Variants in C20orf203 observed in about 807,000 individuals in gnomAD.
The protein encoded by C20orf203 is uncharacterized protein C20orf203.
A neutral mutation model predicts 15.9 loss-of-function variants in C20orf203; 16 were observed. The observed-to-expected ratio is 1.01, with a 90% CI of 0.68 to 1.53. The LOEUF is 1.53. C20orf203 is among the 40% of genes most tolerant of loss of function. The probability of loss-of-function intolerance (pLI) is 0.00; values close to 1 mark genes in which losing one functional copy is unlikely to be tolerated. For synonymous variants in C20orf203, 98 were observed against 97.2 expected (o/e 1.01, Z -0.05); for missense variants, 263 against 247.5 (o/e 1.06, Z -0.42).
rs1194992256 is a variant in C20orf203, at chr20:32,663,828, C to T, written c.-264+9804G>A. Among the ~76,000 whole-genome samples, 8 of 152,316 alleles carry T rather than the reference C, an allele frequency of 5.3e-5. No individual in the cohort carries two copies. In the East Asian group the frequency reaches 7.7e-4, roughly 15 times the overall value. On this transcript the variant is annotated intron_variant, in intron 1 of 5. Coordinates refer to ENST00000608990, the MANE Select transcript of C20orf203 (RefSeq NM_182584.4). ...AGGACGGCCTGCACCACACTGTCCCCGGAGGGACCAGCCATGGGACACTGC... is the reference window on the plus strand; with the variant it reads ...AGGACGGCCTGCACCACACTGTCCCTGGAGGGACCAGCCATGGGACACTGC...
Position 32,631,673 on chromosome 20 carries a change from G to T in C20orf203, c.*3897C>A, listed in dbSNP as rs1220261626. 1 of 152,218 alleles carries T rather than the reference G, an allele frequency of 6.6e-6. No homozygotes were observed. Among genetic ancestry groups the T allele is most frequent in the East Asian group, 1.9e-4 (1 of 5,206 alleles). The allele number at this position is 152,218 out of a possible 1,614,324, so 9.4% of individuals were successfully genotyped here. A position where few individuals can be genotyped will look rare whatever the true frequency, so the allele number is the denominator to read the frequency against. On this transcript the variant is annotated 3_prime_UTR_variant, in exon 6 of 6. Transcript: ENST00000608990. The stretch of plus-strand genomic sequence containing the variant: ...TATTCACTACATTTTATTAATGTTT[G>T]AGATTTTACAATGAGAATATTTTCC...
intron 5 of C20orf203, among the ~76,000 whole-genome samples, chr20:32,635,945 C>A: frequency 6.6e-6 from 1 of 152,172 alleles, no homozygotes; most frequent in East Asian, 1.9e-4. Flanking sequence ...GTCGTCCTCC[C>A]ATCCCGTGTA....
intron 1 of C20orf203, among the ~76,000 whole-genome samples, chr20:32,655,873 C>G (rs1405607999): frequency 1.3e-5 from 2 of 152,222 alleles, no homozygotes; most frequent in Admixed American, 6.5e-5. Flanking sequence ...GAAATGTGAT[C>G]TCCAGCGCTG....
rs527367222 is a variant in C20orf203, at chr20:32,637,317, G to T, written c.*1300-3047C>A. ...AGTCTCAGTTACTGGGGAGGCTGAG[G>T]CAGGAGAACCGCTTGAACCCAGGAA... On this transcript the variant is annotated intron_variant, in intron 5 of 5. Transcript: ENST00000608990. Among the ~76,000 whole-genome samples the T allele has an allele frequency of 3.3e-5, 5 of 152,296 alleles. No individual in the cohort carries two copies. In the South Asian group the frequency reaches 1.0e-3, roughly 32 times the overall value.
rs754260668 is a variant in C20orf203 at position 32,666,466 on chromosome 20, C to CA, written c.-264+7165dup. ...TGGGCAACAAAGTGAGACTCTGTCTCAAAAAAAAAAAAAAAGTCCAGGCGC... is the reference window on the plus strand; with the variant it reads ...TGGGCAACAAAGTGAGACTCTGTCTCAAAAAAAAAAAAAAAAGTCCAGGCGC... On this transcript the variant is annotated intron_variant, in intron 1 of 5. Transcript: ENST00000608990. 6.2e-3 allele frequency among the ~76,000 whole-genome samples: 626 copies of CA among 100,910 alleles called. 1 individual carries two copies. The highest frequency in any genetic ancestry group is 0.015 in the Middle Eastern group (2 of 130). 66.2% of individuals were successfully genotyped at this position (100,910 alleles called of 152,430 possible).
chr20:32,666,266 A>G (rs1428397085), intron 1 of C20orf203, among the ~76,000 whole-genome samples: 1 of 151,954 alleles, frequency 6.6e-6, no homozygotes, highest in Non-Finnish European at 1.5e-5. Context: ...CAGGAGTTCA[A>G]GACCACCCTG....
At chr20:32,666,155 T>TAAAAAAAAAAAAA (rs147487671) in intron 1 of C20orf203, among the ~76,000 whole-genome samples, 4 of 102,744 alleles carry the variant, frequency 3.9e-5, no homozygotes, top group Non-Finnish European at 5.6e-5. Context: ...ATAAATAAAG[T>TAAAAAAAAAAAAA]AAAAAAAAAA....
At chr20:32,664,492 G>A (rs1015781986) in intron 1 of C20orf203, among the ~76,000 whole-genome samples, 6 of 152,186 alleles carry the variant, frequency 3.9e-5, no homozygotes, top group African/African-American at 1.4e-4. Flanking sequence ...GGAAGCTCCT[G>A]CCCTCCTCCT....
chr20:32,646,936 T>A (rs546436419), intron 4 of C20orf203, among the ~76,000 whole-genome samples: 2 of 152,208 alleles, frequency 1.3e-5, no homozygotes, highest in African/African-American at 4.8e-5. Context: ...CTACCCCATG[T>A]CTCCCAGCAA....
intron 1 of C20orf203, among the ~76,000 whole-genome samples, chr20:32,655,992 G>A (rs1366066647): frequency 6.6e-6 from 1 of 152,160 alleles, no homozygotes; most frequent in African/African-American, 2.4e-5. Context: ...TAGTTCACAA[G>A]AGAGCTGGTT....
In C20orf203 at chr20:32,651,760, A is replaced by T. The variant is rs1285597237; in HGVS notation, c.-42T>A. On this transcript the variant is annotated 5_prime_UTR_variant, in exon 2 of 6. Transcript: ENST00000608990. The stretch of plus-strand genomic sequence containing the variant: ...CTTCATGTGGCAGCTGCAGTCTGGC[A>T]CTCTGAGGAGGAGGATTAGAGAGCT... 6.6e-6 allele frequency: 1 copy of T among 152,216 alleles called. No individual in the cohort carries two copies. Among genetic ancestry groups the T allele is most frequent in the Admixed American group, 6.5e-5 (1 of 15,276 alleles). 9.4% of individuals were successfully genotyped at this position (152,216 alleles called of 1,614,324 possible). A position where few individuals can be genotyped will look rare whatever the true frequency, so the allele number is the denominator to read the frequency against.
intron 5 of C20orf203, among the ~76,000 whole-genome samples, chr20:32,636,934 A>G (rs1982153502): frequency 6.6e-6 from 1 of 151,374 alleles, no homozygotes; most frequent in Non-Finnish European, 1.5e-5. Flanking sequence ...GCTTCTGTTG[A>G]CTCTCACTGG....
intron 4 of C20orf203, among the ~76,000 whole-genome samples, chr20:32,643,838 A>G (rs1982352616): frequency 6.6e-6 from 1 of 152,230 alleles, no homozygotes; most frequent in Admixed American, 6.5e-5. Flanking sequence ...TCCGTGAATC[A>G]CAGAAAAGAT....
intron 1 of C20orf203, among the ~76,000 whole-genome samples, chr20:32,666,574 T>C (rs1983031851): frequency 2.0e-5 from 3 of 150,454 alleles, no homozygotes; most frequent in East Asian, 2.0e-4. Context: ...CCATCCTGGC[T>C]AACATAGTGA....
At chr20:32,646,016 G>C (rs1199297795) in intron 4 of C20orf203, among the ~76,000 whole-genome samples, 1 of 152,164 alleles carries the variant, frequency 6.6e-6, no homozygotes, top group Non-Finnish European at 1.5e-5. Context: ...AGTGCTATCA[G>C]AGAGTCCCTG....
Position 32,650,579 on chromosome 20 carries a change from C to T in C20orf203, c.438G>A (p.Gly146=), listed in dbSNP as rs1600932655. 1 of 1,548,532 alleles carries T rather than the reference C, an allele frequency of 6.5e-7. No individual in the cohort carries two copies. Among genetic ancestry groups the T allele is most frequent in the Non-Finnish European group, 8.7e-7 (1 of 1,145,160 alleles). ...GCGAGGACAGAGCTTGGCCAAAGTC[C>T]CCCACCGTGCCCATTCTGGGCATCC... ...MGGMPRMGTV[G]DFGQALSSLA... is the part of the protein sequence containing the mutation. Residue 146 remains glycine (G), a synonymous_variant, in exon 4 of 6, where the codon GGG becomes GGA. Transcript: ENST00000608990.
chr20:32,634,178 G>C lies in C20orf203; in HGVS notation c.*1392C>G. 2.5e-6 allele frequency: 1 copy of C among 398,660 alleles called. No individual in the cohort carries two copies. The highest frequency in any genetic ancestry group is 4.4e-6 in the Non-Finnish European group (1 of 226,130). The allele number at this position is 398,660 out of a possible 1,614,324, so 24.7% of individuals were successfully genotyped here. On this transcript the variant is annotated 3_prime_UTR_variant, in exon 6 of 6. Coordinates refer to ENST00000608990, the MANE Select transcript of C20orf203 (RefSeq NM_182584.4). ...TGCAGCTCTGATGGAGATGGCGCAGGCACGGGCTGCTGGGGCTTGAGTTCA... is the reference window on the plus strand; with the variant it reads ...TGCAGCTCTGATGGAGATGGCGCAGCCACGGGCTGCTGGGGCTTGAGTTCA...
At position 32,650,322 on chromosome 20, in the gene C20orf203, T is replaced by G. The variant is rs947852642; in HGVS notation, c.*110A>C. 8.7e-6 allele frequency: 7 copies of G among 800,704 alleles called. No homozygotes were observed. The East Asian group carries it at 1.6e-4, about 18-fold the overall frequency. The allele number at this position is 800,704 out of a possible 1,614,324, so 49.6% of individuals were successfully genotyped here. ...TGGGCGTGCCGGGCCCATCCCCCAC[T>G]CTGGGGAGCAGAATGATTGTGGGGG... is the stretch of plus-strand genomic sequence containing the variant. On this transcript the variant is annotated 3_prime_UTR_variant, in exon 4 of 6. Coordinates refer to ENST00000608990, the MANE Select transcript of C20orf203 (RefSeq NM_182584.4).
At chr20:32,671,013 TAAA>T (rs10590852) in intron 1 of C20orf203, among the ~76,000 whole-genome samples, 3,344 of 144,724 alleles carry the variant, frequency 0.023, 106 homozygotes, top group African/African-American at 0.074. Flanking sequence ...TGCCATTATT[TAAA>T]AAAAAAAAAA....
Sources: gnomAD v4.1 joint callset for allele counts (sites outside exome capture counted in the v4.1 genomes callset) on GRCh38, gnomAD v4.1.1 for gene constraint, MANE v1.5 for transcripts, NCBI Gene and HGNC (gene_info 2026-07-23, HGNC 2026-07-21) for gene names.